Variants in PPP5C observed in about 807,000 individuals in gnomAD.
PPP5C encodes the protein serine/threonine-protein phosphatase 5.
In PPP5C, 21 loss-of-function variants were observed where a neutral mutation model predicts 66.7. The observed-to-expected ratio is 0.31, with a 90% CI of 0.22 to 0.45. The LOEUF (loss-of-function observed/expected upper bound fraction) is 0.45, where lower values mean the gene tolerates loss of function less well. PPP5C is among the 20% of genes least tolerant of loss of function. The pLI is 1.00. For synonymous variants in PPP5C, 246 were observed against 257.4 expected, an observed-to-expected ratio of 0.96 and a Z score of 0.43; for missense variants, 464 against 675.9, an observed-to-expected ratio of 0.69 and a Z score of 3.48.
chr19:46,384,481 CCT>C (rs1972849029), intron 6 of PPP5C: 1 of 325,082 alleles, frequency 3.1e-6, no homozygotes, highest in South Asian at 3.5e-5. Context: ...TGGCTCCAGG[CCT>C]CTCTGAGGAG....
intron 2 of PPP5C, among the ~76,000 whole-genome samples, chr19:46,372,188 G>GT (rs921446185): frequency 1.3e-5 from 2 of 151,890 alleles, no homozygotes; most frequent in African/African-American, 4.8e-5. Flanking sequence ...AATCATGTGG[G>GT]TTTTTTTGTA....
At chr19:46,364,884 A>G (rs1972464103) in intron 2 of PPP5C, among the ~76,000 whole-genome samples, 2 of 149,820 alleles carry the variant, frequency 1.3e-5, no homozygotes, top group South Asian at 2.1e-4. Context: ...ATGGCGCTCC[A>G]TAGGTATTAG....
At chr19:46,389,691 T>G (rs1032247415) in intron 11 of PPP5C, among the ~76,000 whole-genome samples, 9 of 151,978 alleles carry the variant, frequency 5.9e-5, no homozygotes, top group African/African-American at 1.7e-4. Context: ...GCTGACTGCA[T>G]CCCCGTGGTG....
rs1274111421 is a variant in PPP5C, at chr19:46,349,431, C to T, written c.121+2214C>T. ...TGCAGCAGCAAAACCCTGGAGAAGG[C>T]GGAGGTGGGAAGGGTCTGGAGCCCT... On this transcript the variant is annotated intron_variant, in intron 1 of 12. Coordinates refer to ENST00000012443, the MANE Select transcript of PPP5C (RefSeq NM_006247.4). 3.3e-5 allele frequency among the ~76,000 whole-genome samples: 5 copies of T among 152,024 alleles called. No homozygotes were observed. The South Asian group carries it at 6.2e-4, about 19-fold the overall frequency.
At chr19:46,352,819 CA>C (rs5828273) in intron 1 of PPP5C, among the ~76,000 whole-genome samples, 73,421 of 127,378 alleles carry the variant, frequency 0.58, 19,295 homozygotes, top group South Asian at 0.74. Flanking sequence ...GACTCCATCT[CA>C]AAAAAAAAAA....
intron 2 of PPP5C, among the ~76,000 whole-genome samples, chr19:46,363,336 A>AAC (rs1568568014): frequency 2.3e-5 from 2 of 85,982 alleles, no homozygotes; most frequent in East Asian, 4.8e-4. Flanking sequence ...AAAAAAAAAA[A>AAC]AAAAAAAAAA....
In PPP5C at chr19:46,390,294, A is replaced by C; in HGVS notation, c.1448A>C (p.Asn483Thr). Residue 483 changes from asparagine to threonine, a missense_variant, in exon 13 of 13, where the codon AAC becomes ACC. Asn to Thr is a moderately conservative substitution (Grantham distance 65). This residue lies in a region of PPP5C where 387 missense variants were observed against 626.0 expected (regional missense o/e 0.62). Coordinates refer to ENST00000012443, the MANE Select transcript of PPP5C (RefSeq NM_006247.4). ...FHQFTAVPHP[N>T]VKPMAYANTL... ...GCCCTGGTCCCACAGCCTCATCCCA[A>C]CGTCAAGCCCATGGCCTATGCCAAC... The C allele has an allele frequency of 6.3e-7, 1 of 1,592,174 alleles. No individual in the cohort carries two copies. The highest frequency in any genetic ancestry group is 1.1e-5 in the South Asian group (1 of 88,268).
chr19:46,367,503 A>G (rs73569573), intron 2 of PPP5C, among the ~76,000 whole-genome samples: 2,621 of 152,274 alleles, frequency 0.017, 89 homozygotes, highest in African/African-American at 0.06. Context: ...TTTAACATAG[A>G]GGACGGGGAA....
chr19:46,364,786 TAATTTAGG>T (rs893694739), intron 2 of PPP5C, among the ~76,000 whole-genome samples: 1 of 152,162 alleles, frequency 6.6e-6, no homozygotes, highest in African/African-American at 2.4e-5. Flanking sequence ...ACAAATACAT[TAATTTAGG>T]AATTTCAAGA....
Position 46,383,512 on chromosome 19 carries a change from G to C in PPP5C, c.699+36G>C, listed in dbSNP as rs754109855. On this transcript the variant is annotated intron_variant, in intron 5 of 12. Transcript: ENST00000012443. The surrounding 1 kb of genome is among the most constrained non-coding windows in gnomAD (Gnocchi z 5.0). The stretch of plus-strand genomic sequence containing the variant: ...TGGGGCAGTGCGGGGAGGGCCAGCG[G>C]GGGTGGGCTCTCTGGCTGGGGAGGG... The C allele has an allele frequency of 6.4e-7, 1 of 1,558,222 alleles. No individual in the cohort carries two copies. Among genetic ancestry groups the C allele is most frequent in the Non-Finnish European group, 8.7e-7 (1 of 1,144,142 alleles).
chr19:46,370,602 C>T (rs942569827), intron 2 of PPP5C, among the ~76,000 whole-genome samples: 1 of 152,110 alleles, frequency 6.6e-6, no homozygotes, highest in Non-Finnish European at 1.5e-5. Context: ...TGAGTAATGG[C>T]GTTGTGCTGA....
intron 4 of PPP5C, among the ~76,000 whole-genome samples, chr19:46,381,349 G>C (rs756327077): frequency 1.3e-5 from 2 of 152,092 alleles, no homozygotes; most frequent in Non-Finnish European, 2.9e-5. Flanking sequence ...CTCTGAGTCT[G>C]CTCTGTTACC....
chr19:46,390,000 C>G, intron 11 of PPP5C, 51 bp from the exon 12 acceptor site: 1 of 1,564,050 alleles, frequency 6.4e-7, no homozygotes, highest in South Asian at 1.1e-5. Flanking sequence ...CTTAACCCAC[C>G]AGCCCCACCC....
chr19:46,383,146 T>A lies in PPP5C; in HGVS notation c.634-265T>A. 7.1e-7 allele frequency: 1 copy of A among 1,416,338 alleles called. No individual in the cohort carries two copies. The highest frequency in any genetic ancestry group is 9.3e-7 in the Non-Finnish European group (1 of 1,073,762). The allele number at this position is 1,416,338 out of a possible 1,614,324, so 87.7% of individuals were successfully genotyped here. ...GATTCATGCATGTATTTCCACTTGA[T>A]GCTGAGTATTTTAAGATAATTCAAG... On this transcript the variant is annotated intron_variant, in intron 4 of 12. Coordinates refer to ENST00000012443, the MANE Select transcript of PPP5C (RefSeq NM_006247.4). The surrounding 1 kb of genome is among the most constrained non-coding windows in gnomAD (Gnocchi z 5.0).
intron 3 of PPP5C, among the ~76,000 whole-genome samples, chr19:46,375,972 C>G (rs1025801054): frequency 2.6e-5 from 4 of 152,158 alleles, no homozygotes; most frequent in Admixed American, 1.3e-4. Context: ...GTCCCCCTGC[C>G]ATTTCACGGG....
intron 9 of PPP5C, chr19:46,387,878 AG>A: frequency 2.1e-6 from 1 of 470,354 alleles, no homozygotes; most frequent in South Asian, 2.5e-5. Flanking sequence ...AGGCCTCTCC[AG>A]GGAGGCGAGG....
At chr19:46,380,107 C>T (rs981215981) in intron 4 of PPP5C, among the ~76,000 whole-genome samples, 1 of 152,130 alleles carries the variant, frequency 6.6e-6, no homozygotes, top group Non-Finnish European at 1.5e-5. Context: ...GAGTTCCAGA[C>T]TAGCCTGGTC....
chr19:46,364,806 C>G (rs1381289631), intron 2 of PPP5C, among the ~76,000 whole-genome samples: 1 of 151,910 alleles, frequency 6.6e-6, no homozygotes, highest in Non-Finnish European at 1.5e-5. Flanking sequence ...ATTTCAAGAC[C>G]CTCATTTGGG....
In PPP5C at chr19:46,364,927, C is replaced by T. The variant is rs190018171; in HGVS notation, c.364-10677C>T. ...TCCAGCTGGTGTTTCGGGGCCGGGGCGGGGGGGCTGTCCTTTAAGGCAAAG... is the reference window on the plus strand; with the variant it reads ...TCCAGCTGGTGTTTCGGGGCCGGGGTGGGGGGGCTGTCCTTTAAGGCAAAG... On this transcript the variant is annotated intron_variant, in intron 2 of 12. Transcript: ENST00000012443. Among the ~76,000 whole-genome samples the T allele has an allele frequency of 1.4e-4, 19 of 132,158 alleles. No individual in the cohort carries two copies. The East Asian group carries it at 3.4e-3, about 24-fold the overall frequency. 86.7% of individuals were successfully genotyped at this position (132,158 alleles called of 152,430 possible).
Sources: allele counts gnomAD v4.1 joint callset (sites outside exome capture counted in the v4.1 genomes callset), GRCh38; gene constraint gnomAD v4.1.1; regional missense constraint gnomAD v4.1.1; non-coding constraint Gnocchi (gnomAD v3.1); transcripts MANE v1.5; gene names NCBI Gene and HGNC (gene_info 2026-07-23, HGNC 2026-07-21).